Variants in SCRG1 observed in about 807,000 individuals in gnomAD.
SCRG1 encodes the protein stimulator of chondrogenesis 1.
A neutral mutation model predicts 7.7 loss-of-function variants in SCRG1; 3 were observed. That is an observed-to-expected ratio of 0.39 (90% confidence interval 0.18 to 1.01). The LOEUF is 1.01. Among genes scored for constraint, SCRG1 ranks in the 50% least tolerant of loss-of-function variants. The probability of loss-of-function intolerance (pLI) is 0.36; values close to 1 mark genes in which losing one functional copy is unlikely to be tolerated. For synonymous variants in SCRG1, 46 were observed against 41.2 expected (o/e 1.12, Z -0.44); for missense variants, 110 against 117.2 (o/e 0.94, Z 0.28).
the SCRG1 span, among the ~76,000 whole-genome samples, chr4:173,514,267 C>A: frequency 1.3e-5 from 2 of 152,336 alleles, no homozygotes; most frequent in African/African-American, 4.8e-5. Flanking sequence ...GGATCGTAGA[C>A]TTGGAGGACT....
the SCRG1 span, among the ~76,000 whole-genome samples, chr4:173,454,743 A>G: frequency 1.3e-5 from 2 of 152,208 alleles, no homozygotes; most frequent in East Asian, 3.9e-4. Flanking sequence ...TTCTGGCAGG[A>G]TAAGGGAGAG....
At chr4:173,471,492 C>T in the SCRG1 span, among the ~76,000 whole-genome samples, 1 of 152,042 alleles carries the variant, frequency 6.6e-6, no homozygotes, top group Non-Finnish European at 1.5e-5. Flanking sequence ...TTCTACCAAC[C>T]TCGTCCATCC....
intron 1 of SCRG1, among the ~76,000 whole-genome samples, chr4:173,396,549 C>G (rs916883350): frequency 2.6e-5 from 4 of 152,188 alleles, no homozygotes; most frequent in African/African-American, 9.7e-5. Context: ...AAATTTCCTT[C>G]AGTGAAATGA....
the SCRG1 span, among the ~76,000 whole-genome samples, chr4:173,460,949 G>C: frequency 6.6e-6 from 1 of 152,224 alleles, no homozygotes; most frequent in Non-Finnish European, 1.5e-5. Flanking sequence ...ATGGCCGGGG[G>C]TGATGGTGCC....
At chr4:173,483,813 AAT>A in the SCRG1 span, among the ~76,000 whole-genome samples, 30 of 12,980 alleles carry the variant, frequency 2.3e-3, 10 homozygotes, top group East Asian at 0.08. Flanking sequence ...TATGATATGT[AAT>A]ATATATAATA....
At chr4:173,484,585 C>T in the SCRG1 span, among the ~76,000 whole-genome samples, 24 of 76,358 alleles carry the variant, frequency 3.1e-4, no homozygotes, top group Non-Finnish European at 3.9e-4. Flanking sequence ...ATATATTATA[C>T]ATTATGTATA....
chr4:173,411,307 C>T (rs753499430), upstream of SCRG1, among the ~76,000 whole-genome samples: 9 of 152,226 alleles, frequency 5.9e-5, no homozygotes, highest in Non-Finnish European at 1.3e-4. Flanking sequence ...TACCTTGTGG[C>T]TACAAAGATT....
At chr4:173,435,687 T>G in the SCRG1 span, among the ~76,000 whole-genome samples, 56,383 of 152,048 alleles carry the variant, frequency 0.37, 10,669 homozygotes, top group South Asian at 0.54. Flanking sequence ...AGAGTCCATT[T>G]TTTTTGCTTT....
At chr4:173,405,635 CTATACTTTGGATTATTT>C (rs1739881720) in intron 1 of SCRG1, among the ~76,000 whole-genome samples, 1 of 152,120 alleles carries the variant, frequency 6.6e-6, no homozygotes, top group African/African-American at 2.4e-5. Context: ...TATATTTATT[CTATACTTTGGATTATTT>C]TATACTTTGG....
the SCRG1 span, among the ~76,000 whole-genome samples, chr4:173,483,668 A>C: frequency 5.8e-3 from 77 of 13,298 alleles, 6 homozygotes; most frequent in Middle Eastern, 0.045. Context: ...TGTGATATAT[A>C]ATATATATGA....
chr4:173,406,596 C>T (rs1438596010), upstream of SCRG1, among the ~76,000 whole-genome samples: 1 of 152,096 alleles, frequency 6.6e-6, no homozygotes, highest in African/African-American at 2.4e-5. Flanking sequence ...TCTCTCTGCC[C>T]TAAAATATCT....
the SCRG1 span, among the ~76,000 whole-genome samples, chr4:173,482,736 T>C: frequency 6.6e-6 from 1 of 151,612 alleles, no homozygotes; most frequent in Non-Finnish European, 1.5e-5. Flanking sequence ...GAGGACCACA[T>C]GAGCCCAGGA....
At chr4:173,460,288 G>A in the SCRG1 span, among the ~76,000 whole-genome samples, 1 of 152,188 alleles carries the variant, frequency 6.6e-6, no homozygotes, top group African/African-American at 2.4e-5. Flanking sequence ...TAAGCTCAGA[G>A]ATGGTGGACT....
At chr4:173,438,464 C>T in the SCRG1 span, among the ~76,000 whole-genome samples, 1 of 152,130 alleles carries the variant, frequency 6.6e-6, no homozygotes, top group East Asian at 1.9e-4. Flanking sequence ...TCAACTAAAT[C>T]TCAATTAAAA....
the SCRG1 span, among the ~76,000 whole-genome samples, chr4:173,426,205 G>C: frequency 6.6e-6 from 1 of 152,218 alleles, no homozygotes; most frequent in African/African-American, 2.4e-5. Context: ...TTGCAGCCCT[G>C]TTTGGTACTG....
chr4:173,429,853 C>T, the SCRG1 span, among the ~76,000 whole-genome samples: 2 of 152,172 alleles, frequency 1.3e-5, no homozygotes, highest in Non-Finnish European at 2.9e-5. Flanking sequence ...TAACATTAGC[C>T]TTGATTTCTA....
chr4:173,465,603 AT>A, the SCRG1 span, among the ~76,000 whole-genome samples: 12,196 of 150,948 alleles, frequency 0.081, 587 homozygotes, highest in Non-Finnish European at 0.098. Flanking sequence ...AGGTGAGGGG[AT>A]TTTTTTTATT....
At chr4:173,444,155 G>C in the SCRG1 span, among the ~76,000 whole-genome samples, 1 of 152,012 alleles carries the variant, frequency 6.6e-6, no homozygotes, top group African/African-American at 2.4e-5. Flanking sequence ...TGTATTTTTA[G>C]TAGAGATGAG....
the SCRG1 span, among the ~76,000 whole-genome samples, chr4:173,514,550 A>G: frequency 6.6e-6 from 1 of 152,196 alleles, no homozygotes; most frequent in African/African-American, 2.4e-5. Flanking sequence ...TAAATAAAAA[A>G]GGGGGGAGTA....
Sources: gnomAD v4.1 joint callset for allele counts (sites outside exome capture counted in the v4.1 genomes callset) on GRCh38, gnomAD v4.1.1 for gene constraint, MANE v1.5 for transcripts, NCBI Gene and HGNC (gene_info 2026-07-23, HGNC 2026-07-21) for gene names.